The following TTC28 variants were observed in gnomAD, a reference collection of about 807,000 sequenced individuals.
TTC28 encodes tetratricopeptide repeat domain 28.
In TTC28, 61 loss-of-function variants were observed where a neutral mutation model predicts 198.0. The observed-to-expected ratio is 0.31, with a 90% CI of 0.25 to 0.38. TTC28 has a LOEUF of 0.38. Ranked by LOEUF, TTC28 falls within the 10% of genes least tolerant of loss-of-function variation. The pLI, the probability that TTC28 is intolerant of heterozygous loss-of-function variation, is 1.00. For synonymous variants in TTC28, 1,171 were observed against 1,297.8 expected (o/e 0.90, Z 2.10); for missense variants, 2,678 against 3,164.0 (o/e 0.85, Z 3.69).
chr22:28,558,940 C>T (rs2049827957), intron 2 of TTC28, among the ~76,000 whole-genome samples: 1 of 151,364 alleles, frequency 6.6e-6, no homozygotes, highest in South Asian at 2.1e-4. Flanking sequence ...GAGGCTAAGG[C>T]AGGAGAATAG....
intron 1 of TTC28, among the ~76,000 whole-genome samples, chr22:28,636,955 C>G (rs1006979737): frequency 1.3e-5 from 2 of 149,470 alleles, no homozygotes; most frequent in South Asian, 2.1e-4. Context: ...ATATTAAGAA[C>G]TTTTTCCCCC....
chr22:28,376,666 T>C (rs1233663700), intron 2 of TTC28, among the ~76,000 whole-genome samples: 3 of 152,050 alleles, frequency 2.0e-5, no homozygotes, highest in Non-Finnish European at 4.4e-5. Flanking sequence ...GCTCCAGCTC[T>C]GGGAAGGGGA....
At chr22:28,143,206 C>T (rs1943383140) in intron 6 of TTC28, among the ~76,000 whole-genome samples, 1 of 152,036 alleles carries the variant, frequency 6.6e-6, no homozygotes, top group South Asian at 2.1e-4. Flanking sequence ...ATGGTAGGGG[C>T]TCAAAAATTA....
At chr22:28,024,731 G>A (rs1310307773) in intron 13 of TTC28, among the ~76,000 whole-genome samples, 2 of 152,218 alleles carry the variant, frequency 1.3e-5, no homozygotes, top group Non-Finnish European at 2.9e-5. Flanking sequence ...TGAGGCTGTT[G>A]ATAGGCATCA....
intron 2 of TTC28, among the ~76,000 whole-genome samples, chr22:28,334,853 G>T (rs2045682553): frequency 6.6e-6 from 1 of 152,144 alleles, no homozygotes; most frequent in Non-Finnish European, 1.5e-5. Flanking sequence ...AAGCTCTTTA[G>T]TTTAATTAGA....
At chr22:28,502,449 G>T (rs1180119724) in intron 2 of TTC28, among the ~76,000 whole-genome samples, 2 of 150,970 alleles carry the variant, frequency 1.3e-5, no homozygotes, top group Non-Finnish European at 2.9e-5. Context: ...GACCATCCTG[G>T]CTAACACGGT....
At chr22:28,228,515 C>G (rs1444703413) in intron 5 of TTC28, among the ~76,000 whole-genome samples, 1 of 152,156 alleles carries the variant, frequency 6.6e-6, no homozygotes, top group African/African-American at 2.4e-5. Context: ...GCCTGGCCAA[C>G]ATGGCGAAAA....
At chr22:28,515,190 A>C (rs2048760970) in intron 2 of TTC28, among the ~76,000 whole-genome samples, 1 of 152,204 alleles carries the variant, frequency 6.6e-6, no homozygotes, top group African/African-American at 2.4e-5. Flanking sequence ...TTTTCTATTA[A>C]AGAAAAGCTT....
intron 5 of TTC28, among the ~76,000 whole-genome samples, chr22:28,266,732 A>C (rs1477533596): frequency 6.6e-6 from 1 of 152,168 alleles, no homozygotes. Context: ...CATGGAACCC[A>C]GCTCAGATCA....
chr22:28,021,561 G>A (rs967241945), intron 13 of TTC28, among the ~76,000 whole-genome samples: 1 of 152,198 alleles, frequency 6.6e-6, no homozygotes, highest in Non-Finnish European at 1.5e-5. Context: ...TCAGTGAACA[G>A]GGAGATTTGG....
chr22:28,504,003 C>T (rs769935755), intron 2 of TTC28, among the ~76,000 whole-genome samples: 29 of 152,192 alleles, frequency 1.9e-4, no homozygotes, highest in Non-Finnish European at 3.1e-4. Flanking sequence ...CACAATTACG[C>T]TTGAGTCAAT....
chr22:28,659,695 G>A (rs1018433619), intron 1 of TTC28, among the ~76,000 whole-genome samples: 3 of 152,148 alleles, frequency 2.0e-5, no homozygotes, highest in Non-Finnish European at 4.4e-5. Flanking sequence ...CTAGGAGTCC[G>A]AGGCTGGGGT....
intron 2 of TTC28, among the ~76,000 whole-genome samples, chr22:28,406,820 A>G (rs1196199719): frequency 1.3e-5 from 2 of 152,144 alleles, no homozygotes; most frequent in Non-Finnish European, 1.5e-5. Flanking sequence ...GTTCCTCTCT[A>G]TGCTTTACTT....
At position 28,479,026 on chromosome 22, in the gene TTC28, T is replaced by C. The variant is rs954679806; in HGVS notation, c.381+150526A>G. Among the ~76,000 whole-genome samples, 53 of 152,268 alleles carry C rather than the reference T, an allele frequency of 3.5e-4. 1 individual carries two copies. Among genetic ancestry groups the C allele is most frequent in the Non-Finnish European group, 1.2e-4 (8 of 68,014 alleles). On this transcript the variant is annotated intron_variant, in intron 2 of 22. Coordinates refer to ENST00000397906, the MANE Select transcript of TTC28 (RefSeq NM_001145418.2). ...AGCAGGGGCCTATCTTGCTCACTTC[T>C]GACTTCCCAGCATCTAGCACACATC...
chr22:28,433,681 T>C (rs376637236), intron 2 of TTC28, among the ~76,000 whole-genome samples: 14 of 152,220 alleles, frequency 9.2e-5, no homozygotes, highest in South Asian at 2.1e-4. Flanking sequence ...TCCTTGGTCA[T>C]TTCTTCTTAA....
At chr22:28,099,393 C>T (rs139355248) in intron 9 of TTC28, among the ~76,000 whole-genome samples, 15 of 152,358 alleles carry the variant, frequency 9.8e-5, no homozygotes, top group Admixed American at 2.0e-4. Context: ...ACCCTGCTAA[C>T]GCCGTATATA....
chr22:28,359,564 G>A (rs1351214328), intron 2 of TTC28, among the ~76,000 whole-genome samples: 1 of 152,098 alleles, frequency 6.6e-6, no homozygotes, highest in Non-Finnish European at 1.5e-5. Context: ...TAACACATTT[G>A]GAGGAAAAGA....
chr22:28,475,529 A>T (rs2048152370), intron 2 of TTC28, among the ~76,000 whole-genome samples: 1 of 152,172 alleles, frequency 6.6e-6, no homozygotes, highest in Admixed American at 6.5e-5. Context: ...ACAACATTGG[A>T]GCAAACGATG....
chr22:28,456,499 G>A (rs1187054115), intron 2 of TTC28, among the ~76,000 whole-genome samples: 2 of 152,314 alleles, frequency 1.3e-5, no homozygotes, highest in East Asian at 3.9e-4. Context: ...TCAAAAGGGT[G>A]TATGTGGTCA....
Sources: gnomAD v4.1 joint callset for allele counts (sites outside exome capture counted in the v4.1 genomes callset) on GRCh38, gnomAD v4.1.1 for gene constraint, MANE v1.5 for transcripts, NCBI Gene and HGNC (gene_info 2026-07-23, HGNC 2026-07-21) for gene names.